The following L3HYPDH variants were observed in gnomAD, a reference collection of about 807,000 sequenced individuals.
L3HYPDH encodes trans-3-hydroxy-L-proline dehydratase.
L3HYPDH carries 32 observed loss-of-function variants against 26.5 expected under a neutral mutation model. That is an observed-to-expected ratio of 1.21 (90% CI 0.91 to 1.62). The LOEUF (loss-of-function observed/expected upper bound fraction) is 1.62, where lower values mean the gene tolerates loss of function less well. Among genes scored for constraint, L3HYPDH ranks in the 40% most tolerant of loss-of-function variants. L3HYPDH has a pLI of 0.00. For missense variants in L3HYPDH, 554 were observed against 476.4 expected (o/e 1.16, Z -1.52); for synonymous variants, 215 against 196.6 (o/e 1.09, Z -0.78).
At chr14:59,491,885 C>T in the L3HYPDH span, among the ~76,000 whole-genome samples, 8 of 152,354 alleles carry the variant, frequency 5.3e-5, no homozygotes, top group Non-Finnish European at 1.0e-4. Flanking sequence ...CCTCAAGGGC[C>T]TGAAGCCTAA....
the L3HYPDH span, chr14:59,501,317 A>G: frequency 8.5e-7 from 1 of 1,174,802 alleles, no homozygotes; most frequent in East Asian, 2.3e-5. Context: ...AAATTTGACA[A>G]TTCAATATCA....
chr14:59,489,941 G>A, the L3HYPDH span, among the ~76,000 whole-genome samples: 9 of 151,042 alleles, frequency 6.0e-5, no homozygotes, highest in South Asian at 4.2e-4. Flanking sequence ...TTTATTTTTC[G>A]AGACAATGTC....
At chr14:59,482,919 T>G (rs766314311) in intron 1 of L3HYPDH, among the ~76,000 whole-genome samples, 3 of 152,178 alleles carry the variant, frequency 2.0e-5, no homozygotes, top group African/African-American at 4.8e-5. Flanking sequence ...ATTCAGCTCC[T>G]GGGAGGTAGT....
chr14:59,491,646 A>C, the L3HYPDH span, among the ~76,000 whole-genome samples: 1 of 152,248 alleles, frequency 6.6e-6, no homozygotes, highest in Admixed American at 6.5e-5. Flanking sequence ...ACCTGCATGA[A>C]ATAACTAAAG....
chr14:59,484,423 G>A, upstream of L3HYPDH: 2 of 1,364,560 alleles, frequency 1.5e-6, no homozygotes, highest in South Asian at 1.3e-5. Context: ...AGCCACGTCC[G>A]GGGGGCGGGG....
downstream of L3HYPDH, among the ~76,000 whole-genome samples, chr14:59,472,257 G>T (rs1336955606): frequency 2.0e-5 from 3 of 152,182 alleles, no homozygotes; most frequent in African/African-American, 7.2e-5. Flanking sequence ...TCATTCCATT[G>T]TAAGGATTCA....
At chr14:59,468,079 CACTT>C (rs746848595), downstream of L3HYPDH, among the ~76,000 whole-genome samples, 1 of 152,146 alleles carries the variant, frequency 6.6e-6, no homozygotes, top group Non-Finnish European at 1.5e-5. Flanking sequence ...TTCTTCATGC[CACTT>C]ACTTATTTAA....
At chr14:59,467,024 C>T (rs992722853) in intron 1 of L3HYPDH, among the ~76,000 whole-genome samples, 2 of 152,106 alleles carry the variant, frequency 1.3e-5, no homozygotes, top group Admixed American at 1.3e-4. Flanking sequence ...ATTTGGCAAA[C>T]ACAATCTTCT....
At chr14:59,500,531 T>C in the L3HYPDH span, among the ~76,000 whole-genome samples, 2 of 152,234 alleles carry the variant, frequency 1.3e-5, no homozygotes, top group African/African-American at 4.8e-5. Context: ...AATTTTGATA[T>C]TAAGAATACT....
chr14:59,498,923 TA>T, the L3HYPDH span: 2 of 1,507,418 alleles, frequency 1.3e-6, no homozygotes, highest in Admixed American at 1.9e-5. Context: ...GTTTGATGGG[TA>T]AAGTCAATGA....
intron 1 of L3HYPDH, among the ~76,000 whole-genome samples, chr14:59,466,451 G>T (rs1056999065): frequency 6.6e-6 from 1 of 152,196 alleles, no homozygotes; most frequent in Non-Finnish European, 1.5e-5. Context: ...CATTGGACCA[G>T]CAGCATCAAC....
chr14:59,484,543 C>T (rs761675018), upstream of L3HYPDH: 12 of 1,562,398 alleles, frequency 7.7e-6, no homozygotes, highest in Admixed American at 3.8e-5. Flanking sequence ...GTGCAGCTGC[C>T]AGATCCGCTG....
the L3HYPDH span, chr14:59,495,184 G>A: frequency 2.4e-5 from 39 of 1,613,164 alleles, no homozygotes; most frequent in African/African-American, 3.6e-4. Flanking sequence ...TCCAGATTAC[G>A]TTACCACAGT....
At chr14:59,501,838 T>C in the L3HYPDH span, among the ~76,000 whole-genome samples, 2 of 152,204 alleles carry the variant, frequency 1.3e-5, no homozygotes, top group South Asian at 2.1e-4. Flanking sequence ...TATTTTAATA[T>C]TTCAGTGGAA....
At chr14:59,502,435 A>G in the L3HYPDH span, among the ~76,000 whole-genome samples, 21 of 152,270 alleles carry the variant, frequency 1.4e-4, no homozygotes, top group African/African-American at 5.1e-4. Context: ...TAAGTTGTAA[A>G]CTATTTTGGA....
upstream of L3HYPDH, among the ~76,000 whole-genome samples, chr14:59,488,981 C>T (rs1019749255): frequency 1.3e-5 from 2 of 152,254 alleles, no homozygotes; most frequent in Non-Finnish European, 2.9e-5. Context: ...GGCCTGTGGT[C>T]GGACAGGCAG....
At chr14:59,494,809 G>A in the L3HYPDH span, among the ~76,000 whole-genome samples, 1 of 152,138 alleles carries the variant, frequency 6.6e-6, no homozygotes, top group Non-Finnish European at 1.5e-5. Flanking sequence ...AAGATGCAGG[G>A]TAGATATAAT....
At position 59,480,510 on chromosome 14, in the gene L3HYPDH, A is replaced by T. The variant is rs531912122; in HGVS notation, c.509-1159T>A. ...TTGCTCACACATATCAGGAAAGGGG[A>T]CAACACATGGAGTGATGAGGCTAAG... is the stretch of plus-strand genomic sequence containing the variant. On this transcript the variant is annotated intron_variant, in intron 1 of 4. Coordinates refer to ENST00000247194, the MANE Select transcript of L3HYPDH (RefSeq NM_144581.2). Among the ~76,000 whole-genome samples the T allele has an allele frequency of 2.0e-3, 307 of 152,358 alleles. 1 individual carries two copies. The highest frequency in any genetic ancestry group is 3.6e-3 in the Non-Finnish European group (245 of 68,032).
chr14:59,489,744 A>G, the L3HYPDH span, among the ~76,000 whole-genome samples: 2 of 152,190 alleles, frequency 1.3e-5, no homozygotes, highest in Non-Finnish European at 2.9e-5. Context: ...CAGGCTGTAC[A>G]TGAAGCATAG....
Sources: gnomAD v4.1 joint callset for allele counts (sites outside exome capture counted in the v4.1 genomes callset) on GRCh38, gnomAD v4.1.1 for gene constraint, MANE v1.5 for transcripts, NCBI Gene and HGNC (gene_info 2026-07-23, HGNC 2026-07-21) for gene names.